FRRS1: variants seen among roughly 807,000 people sequenced by gnomAD.
The protein encoded by FRRS1 is ferric reductase 1.
Under a neutral mutation model 70.7 loss-of-function variants are expected in FRRS1, and 51 were observed. The observed-to-expected ratio is 0.72, with a 90% CI of 0.58 to 0.91. FRRS1 has a LOEUF of 0.91. FRRS1 is among the 40% of genes least tolerant of loss of function. FRRS1 has a pLI of 0.00. For missense variants in FRRS1, 672 were observed against 726.0 expected, an observed-to-expected ratio of 0.93 and a Z score of 0.86; for synonymous variants, 225 against 238.7, an observed-to-expected ratio of 0.94 and a Z score of 0.53.
At chr1:99,761,475 A>T (rs1166082191) in intron 1 of FRRS1, among the ~76,000 whole-genome samples, 1 of 152,150 alleles carries the variant, frequency 6.6e-6, no homozygotes. Flanking sequence ...ATTGGAAACA[A>T]ATATCTTATT....
intron 9 of FRRS1, among the ~76,000 whole-genome samples, chr1:99,722,807 C>T: frequency 1.3e-5 from 2 of 152,302 alleles, no homozygotes; most frequent in South Asian, 4.1e-4. Context: ...CTTGCCACCT[C>T]ATTTACCATT....
chr1:99,749,961 G>A (rs1034517301), intron 1 of FRRS1, among the ~76,000 whole-genome samples: 1 of 152,188 alleles, frequency 6.6e-6, no homozygotes, highest in African/African-American at 2.4e-5. Flanking sequence ...TATAGAAAAG[G>A]AGTTTTCTAT....
In FRRS1 at chr1:99,708,396, G is replaced by A. The variant is rs1161039441; in HGVS notation, c.*632C>T. ...AGGCAGATCACAAGGTCAGGAGATC[G>A]AGACCATCCTGTGAATGGTGAAACC... On this transcript the variant is annotated 3_prime_UTR_variant, in exon 17 of 17. Transcript: ENST00000646001. Among the ~76,000 whole-genome samples, 3 of 151,382 alleles carry A rather than the reference G, an allele frequency of 2.0e-5. No homozygotes were observed. The highest frequency in any genetic ancestry group is 1.3e-4 in the Admixed American group (2 of 15,192).
At chr1:99,756,113 A>G (rs1010386482) in intron 1 of FRRS1, among the ~76,000 whole-genome samples, 4 of 152,252 alleles carry the variant, frequency 2.6e-5, no homozygotes, top group Non-Finnish European at 5.9e-5. Context: ...TCGACTGTCA[A>G]CAATAAGCTA....
intron 1 of FRRS1, chr1:99,765,728 C>G (rs554914660): frequency 6.6e-6 from 1 of 151,854 alleles, no homozygotes; most frequent in African/African-American, 2.4e-5. Flanking sequence ...AGTGAAACCC[C>G]GTCTCTACTA....
At chr1:99,753,868 A>C (rs1656698163) in intron 1 of FRRS1, among the ~76,000 whole-genome samples, 2 of 152,250 alleles carry the variant, frequency 1.3e-5, no homozygotes, top group Admixed American at 1.3e-4. Context: ...ATCAGGAAAC[A>C]GACCCTATTA....
chr1:99,750,641 C>T (rs767769310), intron 1 of FRRS1, among the ~76,000 whole-genome samples: 5 of 147,286 alleles, frequency 3.4e-5, no homozygotes, highest in Non-Finnish European at 7.4e-5. Context: ...TCTCTTAGCC[C>T]GAAGATATCT....
rs7528458 is a variant in FRRS1 at position 99,753,490 on chromosome 1, G to A, written c.-105-4489C>T. On this transcript the variant is annotated intron_variant, in intron 1 of 16. Transcript: ENST00000646001. Reference sequence around the variant, plus strand: ...GCCATAAAACAAGCTATCCCTGGCCGGGCGCGGTGGCTCACACCTATAATC... The same window carrying A: ...GCCATAAAACAAGCTATCCCTGGCCAGGCGCGGTGGCTCACACCTATAATC... Among the ~76,000 whole-genome samples, 996 of 152,006 alleles carry A rather than the reference G, an allele frequency of 6.6e-3. 7 individuals carry two copies. The highest frequency in any genetic ancestry group is 0.022 in the African/African-American group (923 of 41,454).
chr1:99,719,268 G>A (rs1231050499), intron 10 of FRRS1, among the ~76,000 whole-genome samples: 2 of 152,050 alleles, frequency 1.3e-5, no homozygotes, highest in Admixed American at 6.5e-5. Flanking sequence ...AATTAGCTGG[G>A]TGCAGTGGCA....
intron 1 of FRRS1, among the ~76,000 whole-genome samples, chr1:99,762,283 A>C (rs867521891): frequency 6.6e-6 from 1 of 152,198 alleles, no homozygotes; most frequent in Non-Finnish European, 1.5e-5. Flanking sequence ...AGTTTTTCCT[A>C]ATAAAGTTTA....
chr1:99,744,969 C>CA (rs71075450), intron 4 of FRRS1, among the ~76,000 whole-genome samples: 58 of 91,754 alleles, frequency 6.3e-4, no homozygotes, highest in Non-Finnish European at 8.8e-4. Context: ...GACTCCGTCT[C>CA]AAAAAAAAAA....
rs1557679594 is a variant in FRRS1 at position 99,704,692 on chromosome 1, T to G, written c.*4336A>C. ...GCAGCTGGACGTGGAGAGGAACACA[T>G]CGCAGAAGACACAAGCAGCTGGACA... is the stretch of plus-strand genomic sequence containing the variant. On this transcript the variant is annotated 3_prime_UTR_variant, in exon 17 of 17. Transcript: ENST00000646001. Among the ~76,000 whole-genome samples, 1 of 151,810 alleles carries G rather than the reference T, an allele frequency of 6.6e-6. No homozygotes were observed. Among genetic ancestry groups the G allele is most frequent in the Non-Finnish European group, 1.5e-5 (1 of 67,952 alleles).
At chr1:99,737,754 GT>G (rs869108657) in intron 7 of FRRS1, among the ~76,000 whole-genome samples, 1 of 151,990 alleles carries the variant, frequency 6.6e-6, no homozygotes, top group Non-Finnish European at 1.5e-5. Context: ...TTTTGGGGGG[GT>G]TTTTTTAGAT....
chr1:99,751,557 T>C lies in FRRS1; in HGVS notation c.-105-2556A>G, dbSNP rs79683472. 6.1e-3 allele frequency among the ~76,000 whole-genome samples: 933 copies of C among 152,160 alleles called. 9 individuals carry two copies. The highest frequency in any genetic ancestry group is 7.9e-3 in the Non-Finnish European group (539 of 68,002). On this transcript the variant is annotated intron_variant, in intron 1 of 16. Coordinates refer to ENST00000646001, the MANE Select transcript of FRRS1 (RefSeq NM_001361041.2). The stretch of plus-strand genomic sequence containing the variant: ...ACAAAGATGAGAACTATATCTGACT[T>C]TTGCTCAGAAACCACACAAGCAAGA...
chr1:99,726,616 A>T (rs2100932677), intron 9 of FRRS1, among the ~76,000 whole-genome samples: 1 of 152,368 alleles, frequency 6.6e-6, no homozygotes, highest in South Asian at 2.1e-4. Flanking sequence ...CAATCATAAC[A>T]ACAACACAAT....
chr1:99,708,879 G>C lies in FRRS1; in HGVS notation c.*149C>G, dbSNP rs1453882394. The stretch of plus-strand genomic sequence containing the variant: ...CCCTCTTGAATGTTGTTCTCTAAAG[G>C]CTGGACTTCAGAATTCCTCTACAGA... On this transcript the variant is annotated 3_prime_UTR_variant, in exon 17 of 17. Coordinates refer to ENST00000646001, the MANE Select transcript of FRRS1 (RefSeq NM_001361041.2). 14 of 1,546,550 alleles carry C rather than the reference G, an allele frequency of 9.1e-6. No homozygotes were observed. The highest frequency in any genetic ancestry group is 3.6e-6 in the Non-Finnish European group (4 of 1,119,482).
chr1:99,712,885 C>T (rs2100902753), intron 12 of FRRS1, among the ~76,000 whole-genome samples: 1 of 148,084 alleles, frequency 6.8e-6, no homozygotes, highest in African/African-American at 2.6e-5. Context: ...TAGGTTAGTA[C>T]AAAAGTAGTT....
chr1:99,731,130 AAAG>A (rs1381566929), intron 7 of FRRS1, among the ~76,000 whole-genome samples: 4 of 152,234 alleles, frequency 2.6e-5, no homozygotes, highest in African/African-American at 7.2e-5. Context: ...GAATACCAAA[AAAG>A]AAGCAGACTG....
intron 1 of FRRS1, among the ~76,000 whole-genome samples, chr1:99,760,063 A>T (rs903658488): frequency 2.0e-5 from 3 of 152,230 alleles, no homozygotes; most frequent in Admixed American, 6.5e-5. Context: ...TCAGAATGTT[A>T]AATCTGCTTT....
Sources: gnomAD v4.1 joint callset for allele counts (sites outside exome capture counted in the v4.1 genomes callset) on GRCh38, gnomAD v4.1.1 for gene constraint, MANE v1.5 for transcripts, NCBI Gene and HGNC (gene_info 2026-07-23, HGNC 2026-07-21) for gene names.